Variants in PCCA observed in about 807,000 individuals in gnomAD.
PCCA encodes propionyl-CoA carboxylase alpha chain, mitochondrial.
A neutral mutation model predicts 101.3 loss-of-function variants in PCCA; 74 were observed. The ratio of observed to expected loss-of-function variants is 0.73; its 90% CI spans 0.61 to 0.89. PCCA has a LOEUF of 0.89. Ranked by LOEUF, PCCA falls within the 40% of genes least tolerant of loss-of-function variation. The pLI is 0.00. For synonymous variants in PCCA, 294 were observed against 313.6 expected, an observed-to-expected ratio of 0.94 and a Z score of 0.66; for missense variants, 891 against 907.0, an observed-to-expected ratio of 0.98 and a Z score of 0.23.
At chr13:100,422,875 T>C (rs1297340947) in intron 19 of PCCA, among the ~76,000 whole-genome samples, 4 of 152,042 alleles carry the variant, frequency 2.6e-5, no homozygotes, top group Admixed American at 2.0e-4. Context: ...TTTTTTATTT[T>C]TATTTTTTTA....
chr13:100,112,943 G>GTAAATTAT (rs570472494), intron 4 of PCCA, among the ~76,000 whole-genome samples: 22 of 152,272 alleles, frequency 1.4e-4, no homozygotes, highest in African/African-American at 5.3e-4. Context: ...GGGAAAGAAT[G>GTAAATTAT]TAAATTATTA....
intron 21 of PCCA, among the ~76,000 whole-genome samples, chr13:100,456,395 C>T (rs1244250191): frequency 2.0e-5 from 3 of 152,078 alleles, no homozygotes; most frequent in Non-Finnish European, 2.9e-5. Flanking sequence ...TGGGGCTTAG[C>T]GGGTGTTCTC....
chr13:100,338,354 A>G (rs923337307), intron 17 of PCCA, among the ~76,000 whole-genome samples: 1 of 152,172 alleles, frequency 6.6e-6, no homozygotes, highest in East Asian at 1.9e-4. Context: ...GTTGACATGC[A>G]TGAGAGCAGT....
intron 14 of PCCA, among the ~76,000 whole-genome samples, chr13:100,303,638 A>G (rs1233985354): frequency 4.0e-5 from 6 of 151,360 alleles, no homozygotes; most frequent in Non-Finnish European, 7.4e-5. Context: ...TATATATGAC[A>G]TTATGTTAGC....
chr13:100,382,308 G>A (rs992074384), intron 19 of PCCA, among the ~76,000 whole-genome samples: 1 of 152,170 alleles, frequency 6.6e-6, no homozygotes, highest in Non-Finnish European at 1.5e-5. Flanking sequence ...ACTCCATCAA[G>A]CTGTCCCTCT....
chr13:100,408,746 C>T (rs769174067), intron 19 of PCCA, among the ~76,000 whole-genome samples: 2 of 152,164 alleles, frequency 1.3e-5, no homozygotes, highest in Non-Finnish European at 2.9e-5. Context: ...AGCCTGATTT[C>T]ACAACCAACA....
At chr13:100,412,474 C>T (rs1000787597) in intron 19 of PCCA, among the ~76,000 whole-genome samples, 1 of 152,042 alleles carries the variant, frequency 6.6e-6, no homozygotes, top group African/African-American at 2.4e-5. Context: ...AAATACCTCC[C>T]CAGGATGTTT....
chr13:100,190,198 G>A (rs1451969471), intron 6 of PCCA, among the ~76,000 whole-genome samples: 2 of 152,154 alleles, frequency 1.3e-5, no homozygotes, highest in Non-Finnish European at 2.9e-5. Flanking sequence ...GATCACGCAC[G>A]TAATCTTTGA....
chr13:100,393,849 A>C (rs922228093), intron 19 of PCCA, among the ~76,000 whole-genome samples: 1 of 152,252 alleles, frequency 6.6e-6, no homozygotes, highest in Admixed American at 6.5e-5. Flanking sequence ...GAAACACATT[A>C]AAGACTGATG....
At chr13:100,421,091 C>T (rs994299677) in intron 19 of PCCA, among the ~76,000 whole-genome samples, 1 of 152,084 alleles carries the variant, frequency 6.6e-6, no homozygotes, top group Non-Finnish European at 1.5e-5. Context: ...CCTGTAATTC[C>T]AGCTACTCAG....
intron 7 of PCCA, among the ~76,000 whole-genome samples, chr13:100,222,471 T>G (rs183226616): frequency 1.5e-3 from 234 of 152,312 alleles, no homozygotes; most frequent in Middle Eastern, 3.4e-3. Context: ...GGCTATTAAT[T>G]TAGGTTTCTG....
intron 20 of PCCA, among the ~76,000 whole-genome samples, chr13:100,427,383 T>C (rs369989082): frequency 3.3e-5 from 5 of 152,228 alleles, no homozygotes; most frequent in African/African-American, 9.6e-5. Context: ...ACTCCTATTA[T>C]GCAAATTTTT....
At chr13:100,325,529 T>C (rs2152724374) in intron 16 of PCCA, among the ~76,000 whole-genome samples, 1 of 152,172 alleles carries the variant, frequency 6.6e-6, no homozygotes, top group South Asian at 2.1e-4. Flanking sequence ...GCAAGTGCCT[T>C]ATTCTGAGGG....
At chr13:100,265,170 G>C (rs959742389) in intron 10 of PCCA, among the ~76,000 whole-genome samples, 1 of 152,156 alleles carries the variant, frequency 6.6e-6, no homozygotes, top group Admixed American at 6.5e-5. Flanking sequence ...GTCTTTCAAA[G>C]AACAGAAGTT....
At chr13:100,124,366 C>G (rs1051881938) in intron 4 of PCCA, among the ~76,000 whole-genome samples, 1 of 152,100 alleles carries the variant, frequency 6.6e-6, no homozygotes, top group Non-Finnish European at 1.5e-5. Flanking sequence ...TCTGATTTTA[C>G]CACGTTGAAA....
chr13:100,333,835 C>T (rs541601833), intron 17 of PCCA, among the ~76,000 whole-genome samples: 78 of 151,944 alleles, frequency 5.1e-4, no homozygotes, highest in Non-Finnish European at 9.7e-4. Flanking sequence ...CTCTTTTTTC[C>T]ACTGAATTTA....
chr13:100,286,742 G>A (rs1488049710), intron 12 of PCCA, among the ~76,000 whole-genome samples: 2 of 150,006 alleles, frequency 1.3e-5, no homozygotes, highest in Non-Finnish European at 3.0e-5. Context: ...TAAGGGAGGA[G>A]AAACCTTTTT....
At chr13:100,301,063 A>G (rs928540157) in intron 12 of PCCA, among the ~76,000 whole-genome samples, 1 of 152,242 alleles carries the variant, frequency 6.6e-6, no homozygotes, top group Non-Finnish European at 1.5e-5. Context: ...TTGGAAAATC[A>G]TAAGCTGCCC....
rs192171304 is a variant in PCCA at position 100,368,574 on chromosome 13, G to A, written c.1746G>A (p.Ser582=). 1.3e-5 allele frequency: 20 copies of A among 1,571,086 alleles called. No individual in the cohort carries two copies. Among genetic ancestry groups the A allele is most frequent in the South Asian group, 1.2e-4 (11 of 90,110 alleles). ...CATCAAACAATGGGTCAGTGTTCTC[G>A]GTGAGTTTTCTTTCTTTATTTTCTT... is the stretch of plus-strand genomic sequence containing the variant. ...VVASNNGSVF[S]VEVDGSKLNV... The change falls in exon 19 of 24, where the codon TCG becomes TCA. Residue 582 remains serine (S), a splice_region_variant and synonymous_variant. Coordinates refer to ENST00000376285, the MANE Select transcript of PCCA (RefSeq NM_000282.4).
Sources: allele counts gnomAD v4.1 joint callset (sites outside exome capture counted in the v4.1 genomes callset), GRCh38; gene constraint gnomAD v4.1.1; transcripts MANE v1.5; gene names NCBI Gene and HGNC (gene_info 2026-07-23, HGNC 2026-07-21).